Variants in MAGEB10 observed in about 807,000 individuals in gnomAD.
The protein encoded by MAGEB10 is melanoma-associated antigen B10.
For synonymous variants in MAGEB10, 99 were observed against 101.0 expected, an observed-to-expected ratio of 0.98 and a Z score of 0.12; for missense variants, 190 against 261.9, an observed-to-expected ratio of 0.73 and a Z score of 1.89.
intron 2 of MAGEB10, among the ~76,000 whole-genome samples, 200 bp from the exon 3 acceptor site, chrX:27,821,058 A>T (rs1400502892): frequency 1.8e-5 from 2 of 111,893 alleles, no homozygotes; most frequent in Non-Finnish European, 3.8e-5. Context: ...AGTAAGCCCC[A>T]GGCAGATCTG....
At chrX:27,812,072 G>C (rs181151112) in intron 1 of MAGEB10, 1 of 113,648 alleles carries the variant, frequency 8.8e-6, no homozygotes, top group East Asian at 2.8e-4. Context: ...ATGAGCAAGA[G>C]CCTGGGATAG....
chrX:27,815,225 G>A (rs1225399162), intron 1 of MAGEB10, among the ~76,000 whole-genome samples: 1 of 111,936 alleles, frequency 8.9e-6, no homozygotes, highest in African/African-American at 3.3e-5. Context: ...GCTCCCTATG[G>A]GAAAGAAAGC....
At chrX:27,810,120 C>T (rs765785550) in intron 1 of MAGEB10, among the ~76,000 whole-genome samples, 2 of 111,476 alleles carry the variant, frequency 1.8e-5, no homozygotes, top group East Asian at 2.9e-4. Context: ...GTAGGCTGCC[C>T]GAGCCAGCCT....
Position 27,821,269 on chromosome X carries a change from A to T in MAGEB10, c.-38A>T. On this transcript the variant is annotated 5_prime_UTR_variant, in exon 3 of 3. Coordinates refer to ENST00000356790, the MANE Select transcript of MAGEB10 (RefSeq NM_182506.3). ...CTTCTCTTCTCCAGGTCACGGGATC[A>T]CCTGCCTTTTTGGCTGCTGCACCTG... 2.6e-6 allele frequency: 3 copies of T among 1,135,376 alleles called. No individual in the cohort carries two copies. Among genetic ancestry groups the T allele is most frequent in the Non-Finnish European group, 3.6e-6 (3 of 833,723 alleles). 93.6% of individuals were successfully genotyped at this position (1,135,376 alleles called of 1,213,427 possible). A position where few individuals can be genotyped will look rare whatever the true frequency, so the allele number is the denominator to read the frequency against.
intron 1 of MAGEB10, chrX:27,812,583 G>T: frequency 5.2e-6 from 1 of 191,966 alleles, no homozygotes. Flanking sequence ...GGTATACGAG[G>T]GACAGGAGCA....
rs1478904658 is a variant in MAGEB10, at chrX:27,821,302, T to C, written c.-5T>C. ...TTTTGGCTGCTGCACCTGAACAGAG[T>C]CATCATGCCTCGAGGTCAGAAGAGT... On this transcript the variant is annotated 5_prime_UTR_variant, in exon 3 of 3. Coordinates refer to ENST00000356790, the MANE Select transcript of MAGEB10 (RefSeq NM_182506.3). The C allele has an allele frequency of 8.3e-7, 1 of 1,200,546 alleles. No homozygotes were observed. The highest frequency in any genetic ancestry group is 1.1e-6 in the Non-Finnish European group (1 of 888,429).
intron 2 of MAGEB10, among the ~76,000 whole-genome samples, chrX:27,818,936 G>A (rs1470208514): frequency 1.8e-5 from 2 of 111,240 alleles, no homozygotes; most frequent in East Asian, 2.8e-4. Context: ...GCATTGGACC[G>A]GGTGTCATTC....
intron 1 of MAGEB10, among the ~76,000 whole-genome samples, chrX:27,808,808 G>T (rs948677343): frequency 5.4e-5 from 6 of 111,811 alleles, no homozygotes; most frequent in African/African-American, 2.0e-4. Flanking sequence ...TTCTGCCATA[G>T]CGGACCGGTC....
At chrX:27,811,071 G>A (rs181748571) in intron 1 of MAGEB10, among the ~76,000 whole-genome samples, 49 of 106,566 alleles carry the variant, frequency 4.6e-4, no homozygotes, top group African/African-American at 1.5e-3. Flanking sequence ...TCCTCAGAGG[G>A]GAAGGTATGA....
intron 1 of MAGEB10, among the ~76,000 whole-genome samples, chrX:27,815,309 A>T (rs961703234): frequency 2.7e-5 from 3 of 112,379 alleles, no homozygotes; most frequent in African/African-American, 9.7e-5. Flanking sequence ...GTTTTGTCAC[A>T]TCACTCACTT....
At chrX:27,813,072 A>G (rs1180813526) in intron 1 of MAGEB10, among the ~76,000 whole-genome samples, 1 of 112,430 alleles carries the variant, frequency 8.9e-6, no homozygotes, top group African/African-American at 3.2e-5. Flanking sequence ...ATAGAAGGTT[A>G]AAGTAGCTTA....
intron 1 of MAGEB10, among the ~76,000 whole-genome samples, chrX:27,808,694 G>A (rs1923595037): frequency 8.9e-6 from 1 of 111,885 alleles, no homozygotes; most frequent in Non-Finnish European, 1.9e-5. Flanking sequence ...TGGAGAGTCA[G>A]GGAAGTGATA....
At chrX:27,814,538 A>G (rs956065374) in intron 1 of MAGEB10, among the ~76,000 whole-genome samples, 1 of 112,061 alleles carries the variant, frequency 8.9e-6, no homozygotes, top group Non-Finnish European at 1.9e-5. Context: ...AGAGTGCTGC[A>G]TATTTTCGGA....
intron 1 of MAGEB10, among the ~76,000 whole-genome samples, chrX:27,808,936 C>T (rs1923599755): frequency 8.9e-6 from 1 of 112,528 alleles, no homozygotes; most frequent in African/African-American, 3.2e-5. Context: ...CTGCCTCGGG[C>T]AGCAGGGGAA....
At chrX:27,818,125 G>A (rs928408391) in intron 2 of MAGEB10, among the ~76,000 whole-genome samples, 8 of 111,119 alleles carry the variant, frequency 7.2e-5, no homozygotes, top group East Asian at 2.9e-4. Flanking sequence ...GTCCAGAGGC[G>A]TGCTCTGCTA....
At chrX:27,809,952 T>G (rs141661798) in intron 1 of MAGEB10, among the ~76,000 whole-genome samples, 1,210 of 109,994 alleles carry the variant, frequency 0.011, 15 homozygotes, top group African/African-American at 0.037. Flanking sequence ...GTGTCAACAC[T>G]CTGTATCTAG....
At chrX:27,821,201 C>A in intron 2 of MAGEB10, 57 bp from the exon 3 acceptor site, 1 of 700,814 alleles carries the variant, frequency 1.4e-6, no homozygotes, top group South Asian at 2.8e-5. Flanking sequence ...GTCAATAAAG[C>A]TAAAGTTGTA....
At chrX:27,819,371 C>T (rs1353147439) in intron 2 of MAGEB10, among the ~76,000 whole-genome samples, 4 of 111,662 alleles carry the variant, frequency 3.6e-5, no homozygotes, top group Non-Finnish European at 5.6e-5. Flanking sequence ...ATTGGCTTCC[C>T]CAACTTCTGA....
intron 1 of MAGEB10, 131 bp from the exon 2 acceptor site, chrX:27,817,423 T>A (rs761858103): frequency 9.0e-6 from 1 of 111,666 alleles, no homozygotes; most frequent in Non-Finnish European, 1.9e-5. Context: ...AAATCCTGCA[T>A]GTAGTATTTT....
Sources: gnomAD v4.1 joint callset for allele counts (sites outside exome capture counted in the v4.1 genomes callset) on GRCh38, gnomAD v4.1.1 for gene constraint, MANE v1.5 for transcripts, NCBI Gene and HGNC (gene_info 2026-07-23, HGNC 2026-07-21) for gene names.